Variants in PDZRN3 observed in about 807,000 individuals in gnomAD.
PDZRN3 encodes the protein E3 ubiquitin-protein ligase PDZRN3.
PDZRN3 carries 38 observed loss-of-function variants against 85.7 expected under a neutral mutation model. The observed-to-expected ratio is 0.44, with a 90% CI of 0.34 to 0.58. PDZRN3 has a LOEUF of 0.58. Among genes scored for constraint, PDZRN3 ranks in the 20% least tolerant of loss-of-function variants. The pLI is 0.01. For synonymous variants in PDZRN3, 759 were observed against 638.0 expected (o/e 1.19, Z -2.86); for missense variants, 1,629 against 1,506.4 (o/e 1.08, Z -1.35).
chr3:73,551,688 CAAAAAAAAAAAAA>C (rs71126878), intron 3 of PDZRN3, among the ~76,000 whole-genome samples: 2 of 104,586 alleles, frequency 1.9e-5, no homozygotes, highest in African/African-American at 3.6e-5. Context: ...GACCCTGTTT[CAAAAAAAAAAAAA>C]AAAAAAAGGA....
chr3:73,546,885 A>G lies in PDZRN3; in HGVS notation c.918+55469T>C, dbSNP rs79118223. Among the ~76,000 whole-genome samples the G allele has an allele frequency of 6.2e-3, 952 of 152,336 alleles. 6 individuals carry two copies. The highest frequency in any genetic ancestry group is 0.022 in the African/African-American group (913 of 41,570). The stretch of plus-strand genomic sequence containing the variant: ...ATTTTTTATTACACCGTATGCATCC[A>G]CATGAAGAAATAAAACTCTGGAAAA... On this transcript the variant is annotated intron_variant, in intron 3 of 9. Coordinates refer to ENST00000263666, the MANE Select transcript of PDZRN3 (RefSeq NM_015009.3).
At chr3:73,606,555 T>A (rs1702601672) in intron 2 of PDZRN3, among the ~76,000 whole-genome samples, 1 of 151,974 alleles carries the variant, frequency 6.6e-6, no homozygotes, top group African/African-American at 2.4e-5. Flanking sequence ...AAGGAAAAAA[T>A]AAAAATATAC....
In PDZRN3 at chr3:73,383,128, TG is replaced by T. The variant is rs1285032562; in HGVS notation, c.*236del. 2 of 456,478 alleles carry T rather than the reference TG, an allele frequency of 4.4e-6. No individual in the cohort carries two copies. The highest frequency in any genetic ancestry group is 7.6e-6 in the Non-Finnish European group (2 of 261,936). 28.3% of individuals were successfully genotyped at this position (456,478 alleles called of 1,614,324 possible). ...AAGGGTACAGGTAGAAAAGTACAAT[TG>T]CTATTTGAAAAAAGCTCTGTTTGTT... On this transcript the variant is annotated 3_prime_UTR_variant, in exon 10 of 10. Transcript: ENST00000263666.
chr3:73,580,397 T>C (rs12629627), intron 3 of PDZRN3, among the ~76,000 whole-genome samples: 19,384 of 152,230 alleles, frequency 0.13, 1,352 homozygotes, highest in Admixed American at 0.18. Context: ...AGGCCTCTTG[T>C]CTGTTGTGCA....
chr3:73,417,897 G>C (rs1199274198), intron 3 of PDZRN3, among the ~76,000 whole-genome samples: 2 of 152,310 alleles, frequency 1.3e-5, no homozygotes, highest in South Asian at 2.1e-4. Context: ...TATTGGCTTT[G>C]CAAGAAGAAC....
chr3:73,390,424 A>G (rs1248968120), intron 6 of PDZRN3, among the ~76,000 whole-genome samples: 2 of 152,188 alleles, frequency 1.3e-5, no homozygotes, highest in African/African-American at 4.8e-5. Context: ...ATCATTCTGT[A>G]GCGACAAATT....
At chr3:73,396,241 AT>A (rs1701634360) in intron 5 of PDZRN3, among the ~76,000 whole-genome samples, 1 of 152,082 alleles carries the variant, frequency 6.6e-6, no homozygotes, top group Admixed American at 6.6e-5. Context: ...AAAGTAAATA[AT>A]AGTACTGGTG....
intron 5 of PDZRN3, among the ~76,000 whole-genome samples, chr3:73,398,911 G>A (rs180907596): frequency 4.6e-5 from 7 of 152,240 alleles, no homozygotes; most frequent in Admixed American, 1.3e-4. Context: ...GTTTAAATAA[G>A]TTGAGTCGAA....
intron 3 of PDZRN3, among the ~76,000 whole-genome samples, chr3:73,426,182 T>C (rs148015281): frequency 6.6e-6 from 1 of 152,142 alleles, no homozygotes; most frequent in Non-Finnish European, 1.5e-5. Flanking sequence ...CACATGCATA[T>C]GTATACATTA....
At chr3:73,588,774 G>C (rs1360840033) in intron 3 of PDZRN3, among the ~76,000 whole-genome samples, 13 of 152,166 alleles carry the variant, frequency 8.5e-5, no homozygotes, top group African/African-American at 3.1e-4. Flanking sequence ...AAAGAATGTT[G>C]CTTTAAGAAT....
intron 3 of PDZRN3, among the ~76,000 whole-genome samples, chr3:73,562,354 G>C (rs1701836671): frequency 6.6e-6 from 1 of 152,044 alleles, no homozygotes; most frequent in Non-Finnish European, 1.5e-5. Context: ...GTATAAGATG[G>C]GCATGATATG....
intron 3 of PDZRN3, among the ~76,000 whole-genome samples, chr3:73,476,810 A>G (rs549509881): frequency 6.6e-5 from 10 of 152,302 alleles, no homozygotes; most frequent in African/African-American, 2.4e-4. Flanking sequence ...CAGCCCTGTG[A>G]GTGAGCCGTC....
intron 3 of PDZRN3, among the ~76,000 whole-genome samples, chr3:73,570,917 C>T (rs73838571): frequency 0.032 from 4,906 of 152,230 alleles, 253 homozygotes; most frequent in African/African-American, 0.11. Flanking sequence ...AATACATCTG[C>T]TTTTGCTTGC....
chr3:73,578,918 C>G (rs951568308), intron 3 of PDZRN3, among the ~76,000 whole-genome samples: 6 of 152,260 alleles, frequency 3.9e-5, no homozygotes, highest in Middle Eastern at 6.8e-3. Flanking sequence ...AAACACAGTT[C>G]CTCTTAGCCG....
chr3:73,480,589 C>A (rs922141221), intron 3 of PDZRN3, among the ~76,000 whole-genome samples: 1 of 152,190 alleles, frequency 6.6e-6, no homozygotes, highest in African/African-American at 2.4e-5. Context: ...CTCCCCTGGC[C>A]CTCCTGCCTA....
At chr3:73,600,081 G>A (rs894239573) in intron 3 of PDZRN3, among the ~76,000 whole-genome samples, 1 of 152,150 alleles carries the variant, frequency 6.6e-6, no homozygotes, top group African/African-American at 2.4e-5. Flanking sequence ...GGCTGGCACC[G>A]ATGTGGGTAA....
intron 3 of PDZRN3, among the ~76,000 whole-genome samples, chr3:73,596,008 T>C (rs1702425450): frequency 6.6e-6 from 1 of 152,070 alleles, no homozygotes; most frequent in Admixed American, 6.6e-5. Flanking sequence ...TAAATGAAGC[T>C]AGAGGTCCTT....
intron 3 of PDZRN3, among the ~76,000 whole-genome samples, chr3:73,523,521 T>C (rs1218566565): frequency 6.6e-6 from 1 of 152,056 alleles, no homozygotes; most frequent in Non-Finnish European, 1.5e-5. Context: ...GCATATAAAA[T>C]ATCAAACAAC....
intron 1 of PDZRN3, among the ~76,000 whole-genome samples, chr3:73,609,244 G>C (rs924295571): frequency 2.6e-5 from 4 of 152,048 alleles, no homozygotes; most frequent in Admixed American, 2.0e-4. Context: ...AAGGGGGAGG[G>C]GGCATTTTCA....
Sources: gnomAD v4.1 joint callset for allele counts (sites outside exome capture counted in the v4.1 genomes callset) on GRCh38, gnomAD v4.1.1 for gene constraint, MANE v1.5 for transcripts, NCBI Gene and HGNC (gene_info 2026-07-23, HGNC 2026-07-21) for gene names.